Variants in SEC24D observed in about 807,000 individuals in gnomAD.
SEC24D encodes the protein SEC24 homolog D, COPII component.
In SEC24D, 69 loss-of-function variants were observed where a neutral mutation model predicts 116.9. That is an observed-to-expected ratio of 0.59 (90% CI 0.49 to 0.72). SEC24D has a LOEUF of 0.72. Among genes scored for constraint, SEC24D ranks in the 30% least tolerant of loss-of-function variants. The probability of loss-of-function intolerance (pLI) is 0.00; values close to 1 mark genes in which losing one functional copy is unlikely to be tolerated. For missense variants in SEC24D, 1,131 were observed against 1,264.1 expected, an observed-to-expected ratio of 0.89 and a Z score of 1.60; for synonymous variants, 405 against 442.8, an observed-to-expected ratio of 0.91 and a Z score of 1.07.
intron 13 of SEC24D, among the ~76,000 whole-genome samples, chr4:118,750,533 C>T (rs1019693791): frequency 6.6e-6 from 1 of 152,194 alleles, no homozygotes; most frequent in African/African-American, 2.4e-5. Flanking sequence ...TCCTTTTACA[C>T]ACAAATCCAT....
intron 18 of SEC24D, among the ~76,000 whole-genome samples, 183 bp from the exon 19 acceptor site, chr4:118,738,562 A>G (rs868594829): frequency 2.5e-4 from 38 of 152,296 alleles, no homozygotes; most frequent in African/African-American, 8.4e-4. Context: ...GATCTAACTA[A>G]TGGAGAACAT....
At chr4:118,775,703 A>G (rs1306785991) in intron 8 of SEC24D, among the ~76,000 whole-genome samples, 1 of 152,202 alleles carries the variant, frequency 6.6e-6, no homozygotes, top group Non-Finnish European at 1.5e-5. Context: ...GAATTCTGAT[A>G]GAAGTTAGTA....
rs1317925665 is a variant in SEC24D, at chr4:118,723,657, TA to T, written c.2959-3del. Reference sequence around the variant, plus strand: ...TTCTCGCTGCTTTACAATTGTGAGCTAGGAAAAAAAAAACAAAACAGTAACA... The same window carrying T: ...TTCTCGCTGCTTTACAATTGTGAGCTGGAAAAAAAAAACAAAACAGTAACA... On this transcript the variant is annotated splice_polypyrimidine_tract_variant and splice_region_variant and intron_variant, in intron 22 of 22. Coordinates refer to ENST00000280551, the MANE Select transcript of SEC24D (RefSeq NM_014822.4). 59 of 1,592,430 alleles carry T rather than the reference TA, an allele frequency of 3.7e-5. No homozygotes were observed. Among genetic ancestry groups the T allele is most frequent in the Non-Finnish European group, 4.5e-5 (53 of 1,173,998 alleles).
chr4:118,771,613 TATC>T (rs1200527680), intron 8 of SEC24D, among the ~76,000 whole-genome samples: 1 of 151,620 alleles, frequency 6.6e-6, no homozygotes, highest in Non-Finnish European at 1.5e-5. Context: ...CAAGTGAGAA[TATC>T]ATTCTACGAA....
chr4:118,829,579 G>A (rs973810803), intron 2 of SEC24D, among the ~76,000 whole-genome samples: 12 of 152,124 alleles, frequency 7.9e-5, no homozygotes, highest in Admixed American at 2.6e-4. Context: ...TTGAGAGGCC[G>A]AGGCGGGTGG....
At chr4:118,822,439 A>T (rs1353680429) in intron 3 of SEC24D, among the ~76,000 whole-genome samples, 1 of 152,202 alleles carries the variant, frequency 6.6e-6, no homozygotes, top group African/African-American at 2.4e-5. Context: ...AATAAATGGC[A>T]ATAAACCAAA....
chr4:118,771,955 C>T (rs780003248), intron 8 of SEC24D, among the ~76,000 whole-genome samples: 9 of 152,072 alleles, frequency 5.9e-5, no homozygotes, highest in Non-Finnish European at 1.0e-4. Context: ...CTTGGCAGAA[C>T]ATCATAAACA....
chr4:118,797,777 G>A lies in SEC24D; in HGVS notation c.947C>T (p.Thr316Ile). 6.2e-7 allele frequency: 1 copy of A among 1,608,474 alleles called. No individual in the cohort carries two copies. The highest frequency in any genetic ancestry group is 8.5e-7 in the Non-Finnish European group (1 of 1,176,088). The change falls in exon 8 of 23, where the codon ACA (threonine) becomes ATA (isoleucine). Residue 316 changes from threonine (T) to isoleucine (I), a missense_variant. Thr to Ile is a moderately conservative substitution (Grantham distance 89). Transcript: ENST00000280551. ...ATCTGACGTGCATGGAAAACAGTAT[G>A]TTGTACAACGGATGAATCGAGGACT... is the stretch of plus-strand genomic sequence containing the variant. ...NASPRFIRCT[T>I]YCFPCTSDMA...
intron 8 of SEC24D, 29 bp downstream of exon 8, chr4:118,797,654 A>G: frequency 6.7e-7 from 1 of 1,500,062 alleles, no homozygotes; most frequent in Non-Finnish European, 9.0e-7. Context: ...TTGATAAATT[A>G]TTGAATTGCT....
At chr4:118,825,383 G>A (rs955534751) in intron 2 of SEC24D, 2 of 345,184 alleles carry the variant, frequency 5.8e-6, no homozygotes, top group Non-Finnish European at 1.1e-5. Flanking sequence ...TGCAGTTAAC[G>A]GATGCTTCTG....
At chr4:118,828,761 A>T (rs1201093142) in intron 2 of SEC24D, among the ~76,000 whole-genome samples, 1 of 152,218 alleles carries the variant, frequency 6.6e-6, no homozygotes, top group Admixed American at 6.5e-5. Flanking sequence ...CTGTACATAC[A>T]TTGGATTGTG....
At chr4:118,746,238 A>AGGGAGGGAGGGAAGGAGGGC (rs2110448931) in intron 13 of SEC24D, among the ~76,000 whole-genome samples, 1 of 22,284 alleles carries the variant, frequency 4.5e-5, no homozygotes, top group Admixed American at 5.1e-4. Flanking sequence ...GGAGGGAGGG[A>AGGGAGGGAGGGAAGGAGGGC]GGGAGGGAGG....
Position 118,817,292 on chromosome 4 carries a change from C to A in SEC24D, c.369G>T (p.Gln123His). The change falls in exon 4 of 23, where the codon CAG becomes CAT. Residue 123 changes from glutamine to histidine, a missense_variant. Transcript: ENST00000280551. ...STSSVTQLGS[Q>H]LSAMQINSYG... ...AGCTGTTGATTTGCATAGCACTGAG[C>A]TGGCTGCCCAGCTGGGTGACAGATG... 6.2e-7 allele frequency: 1 copy of A among 1,613,194 alleles called. No homozygotes were observed. The highest frequency in any genetic ancestry group is 8.5e-7 in the Non-Finnish European group (1 of 1,179,606).
intron 8 of SEC24D, 149 bp from the exon 9 acceptor site, chr4:118,768,460 T>C (rs1299474160): frequency 9.9e-6 from 6 of 603,618 alleles, no homozygotes; most frequent in African/African-American, 5.7e-5. Flanking sequence ...AATGGCATGA[T>C]GTTTGCCCAC....
chr4:118,811,304 G>A (rs538977038), intron 6 of SEC24D, among the ~76,000 whole-genome samples: 4 of 152,312 alleles, frequency 2.6e-5, no homozygotes, highest in South Asian at 4.1e-4. Context: ...ATATTCTGAC[G>A]AGAATGATCT....
chr4:118,764,550 A>G (rs1019048907), intron 10 of SEC24D: 11 of 357,712 alleles, frequency 3.1e-5, no homozygotes, highest in African/African-American at 2.1e-4. Flanking sequence ...TGGCAAGGAC[A>G]TAAAAAATTA....
At chr4:118,765,028 T>C in intron 9 of SEC24D, 111 bp from the exon 10 acceptor site, 2 of 654,212 alleles carry the variant, frequency 3.1e-6, no homozygotes, top group South Asian at 1.9e-5. Context: ...TGGAAAAATG[T>C]ATTTTAAAGC....
intron 3 of SEC24D, among the ~76,000 whole-genome samples, chr4:118,821,097 T>C (rs919317246): frequency 6.6e-5 from 10 of 152,174 alleles, no homozygotes; most frequent in African/African-American, 2.4e-4. Flanking sequence ...TGAAACAAAA[T>C]CAGAATTTTG....
rs997931314 is a variant in SEC24D, at chr4:118,752,483, A to G, written c.1613+214T>C. Among the ~76,000 whole-genome samples, 8 of 152,324 alleles carry G rather than the reference A, an allele frequency of 5.3e-5. No homozygotes were observed. In the East Asian group the frequency reaches 1.2e-3, roughly 22 times the overall value. On this transcript the variant is annotated intron_variant, in intron 12 of 22. Coordinates refer to ENST00000280551, the MANE Select transcript of SEC24D (RefSeq NM_014822.4). ...CAATAGGGCTGAATGTGAGCATTTAAAAAATTCTTAGATACTGGTCTATAT... is the reference window on the plus strand; with the variant it reads ...CAATAGGGCTGAATGTGAGCATTTAGAAAATTCTTAGATACTGGTCTATAT...
Sources: allele counts gnomAD v4.1 joint callset (sites outside exome capture counted in the v4.1 genomes callset), GRCh38; gene constraint gnomAD v4.1.1; transcripts MANE v1.5; gene names NCBI Gene and HGNC (gene_info 2026-07-23, HGNC 2026-07-21).